The following ANKFY1 variants were observed in gnomAD, a reference collection of about 807,000 sequenced individuals.
ANKFY1 encodes ankyrin repeat and FYVE domain-containing protein 1.
In ANKFY1, 47 loss-of-function variants were observed where a neutral mutation model predicts 128.3. The observed-to-expected ratio is 0.37, with a 90% CI of 0.29 to 0.47. ANKFY1 has a LOEUF of 0.47. Among genes scored for constraint, ANKFY1 ranks in the 20% least tolerant of loss-of-function variants. The probability of loss-of-function intolerance (pLI) is 1.00; values close to 1 mark genes in which losing one functional copy is unlikely to be tolerated. For synonymous variants in ANKFY1, 553 were observed against 601.6 expected (o/e 0.92, Z 1.18); for missense variants, 1,222 against 1,510.6 (o/e 0.81, Z 3.17).
chr17:4,194,103 A>ATATATAT (rs1555627694), intron 10 of ANKFY1, among the ~76,000 whole-genome samples: 20 of 108,162 alleles, frequency 1.8e-4, no homozygotes, highest in African/African-American at 6.3e-4. Context: ...ATATATATAT[A>ATATATAT]TTTTTTTTTT....
At chr17:4,231,468 G>A (rs945878498) in intron 3 of ANKFY1, among the ~76,000 whole-genome samples, 4 of 151,752 alleles carry the variant, frequency 2.6e-5, no homozygotes, top group Admixed American at 6.6e-5. Context: ...CAGCCTGGGC[G>A]ACACAGTGAG....
intron 2 of ANKFY1, among the ~76,000 whole-genome samples, chr17:4,241,639 A>G (rs532743013): frequency 6.6e-6 from 1 of 151,970 alleles, no homozygotes; most frequent in South Asian, 2.1e-4. Context: ...GCACTCTCCA[A>G]CTAGTTCCAA....
At chr17:4,183,751 C>G in intron 13 of ANKFY1, 61 bp downstream of exon 13, 1 of 1,532,528 alleles carries the variant, frequency 6.5e-7, no homozygotes, top group Non-Finnish European at 9.0e-7. Context: ...CTCTGTCCCA[C>G]CCGGCCCCAC....
At chr17:4,215,286 C>CT (rs2060202453) in intron 4 of ANKFY1, among the ~76,000 whole-genome samples, 1 of 39,790 alleles carries the variant, frequency 2.5e-5, no homozygotes, top group Admixed American at 4.1e-4. Flanking sequence ...AGGCTGTCTT[C>CT]TAAAAAAAAA....
chr17:4,230,736 A>C (rs544790000), intron 3 of ANKFY1, among the ~76,000 whole-genome samples: 35 of 152,390 alleles, frequency 2.3e-4, no homozygotes, highest in African/African-American at 8.2e-4. Flanking sequence ...GCTAATTAAC[A>C]TATCACTTCA....
At chr17:4,237,480 A>G (rs994000257) in intron 2 of ANKFY1, among the ~76,000 whole-genome samples, 21 of 152,352 alleles carry the variant, frequency 1.4e-4, no homozygotes, top group African/African-American at 5.0e-4. Context: ...AGTTACCTAC[A>G]AAGTACAAAT....
intron 1 of ANKFY1, among the ~76,000 whole-genome samples, chr17:4,254,727 G>T (rs1289478112): frequency 1.3e-5 from 2 of 152,178 alleles, no homozygotes; most frequent in Non-Finnish European, 2.9e-5. Flanking sequence ...CTTTTTGCTA[G>T]ATTAGTGTCA....
intron 11 of ANKFY1, chr17:4,186,998 T>A: frequency 8.2e-7 from 1 of 1,212,936 alleles, no homozygotes; most frequent in Non-Finnish European, 1.0e-6. Flanking sequence ...GCCGCAACTG[T>A]TTTTTTTAAA....
At chr17:4,224,612 A>T (rs973585634) in intron 3 of ANKFY1, among the ~76,000 whole-genome samples, 8 of 152,142 alleles carry the variant, frequency 5.3e-5, no homozygotes, top group South Asian at 4.2e-4. Context: ...AGGAAAAAAA[A>T]TTTTTTTTAA....
chr17:4,180,960 C>T (rs985435240), intron 16 of ANKFY1: 3 of 308,388 alleles, frequency 9.7e-6, no homozygotes, highest in Non-Finnish European at 1.9e-5. Flanking sequence ...TAGCCTCCTG[C>T]TTCACAGTCT....
intron 7 of ANKFY1, among the ~76,000 whole-genome samples, chr17:4,203,812 T>C (rs1453135278): frequency 1.0e-5 from 1 of 100,066 alleles, no homozygotes; most frequent in African/African-American, 3.8e-5. Flanking sequence ...CGAAACTCCG[T>C]CTCAACAACA....
chr17:4,224,214 GTTTTTTT>G (rs33995900), intron 3 of ANKFY1, among the ~76,000 whole-genome samples: 2 of 66,722 alleles, frequency 3.0e-5, no homozygotes, highest in Non-Finnish European at 5.2e-5. Context: ...CACCTTTGAA[GTTTTTTT>G]TTTTTTTTTT....
chr17:4,235,219 T>C (rs1966869632), intron 3 of ANKFY1, among the ~76,000 whole-genome samples: 1 of 151,680 alleles, frequency 6.6e-6, no homozygotes, highest in Admixed American at 6.6e-5. Flanking sequence ...GGTGGGTGCC[T>C]GTAATCCCAG....
chr17:4,175,346 GAAAA>G (rs981352010), intron 19 of ANKFY1, among the ~76,000 whole-genome samples: 3 of 130,714 alleles, frequency 2.3e-5, no homozygotes, highest in African/African-American at 8.5e-5. Context: ...AAAGGAAAAA[GAAAA>G]AAAAAAGAAA....
chr17:4,174,175 A>C (rs1184814672), intron 19 of ANKFY1, 119 bp from the exon 20 acceptor site: 13 of 1,216,186 alleles, frequency 1.1e-5, no homozygotes, highest in Non-Finnish European at 1.5e-5. Context: ...CCCTGCTGAC[A>C]GAGCTGGGAG....
intron 7 of ANKFY1, among the ~76,000 whole-genome samples, chr17:4,202,278 G>A (rs1213373668): frequency 2.0e-5 from 3 of 152,148 alleles, no homozygotes; most frequent in African/African-American, 4.8e-5. Context: ...GCATGTGCCT[G>A]TAATCCCAGC....
At chr17:4,220,325 A>G (rs919864594) in intron 3 of ANKFY1, among the ~76,000 whole-genome samples, 3 of 152,096 alleles carry the variant, frequency 2.0e-5, no homozygotes, top group Non-Finnish European at 2.9e-5. Context: ...ATGAACAACA[A>G]AAAAAATGTA....
chr17:4,185,848 C>G (rs79895831), intron 11 of ANKFY1, among the ~76,000 whole-genome samples: 2 of 152,234 alleles, frequency 1.3e-5, no homozygotes, highest in South Asian at 2.1e-4. Context: ...CCGCGCAGCC[C>G]CCGCCCGGAC....
intron 3 of ANKFY1, chr17:4,222,275 TCTAC>T (rs1484811563): frequency 2.7e-5 from 17 of 634,968 alleles, no homozygotes; most frequent in Non-Finnish European, 4.3e-5. Context: ...AGCGTGAGCC[TCTAC>T]CTGAGTGAGG....
Sources: gnomAD v4.1 joint callset for allele counts (sites outside exome capture counted in the v4.1 genomes callset) on GRCh38, gnomAD v4.1.1 for gene constraint, MANE v1.5 for transcripts, NCBI Gene and HGNC (gene_info 2026-07-23, HGNC 2026-07-21) for gene names.